The following CENPP variants were observed in gnomAD, a reference collection of about 807,000 sequenced individuals.
CENPP encodes the protein centromere protein P.
CENPP carries 24 observed loss-of-function variants against 35.6 expected under a neutral mutation model. The observed-to-expected ratio is 0.67, with a 90% confidence interval of 0.49 to 0.95. The LOEUF is 0.95. Ranked by LOEUF, CENPP falls within the 40% of genes least tolerant of loss-of-function variation. CENPP has a pLI of 0.00. For synonymous variants in CENPP, 120 were observed against 125.5 expected (o/e 0.96, Z 0.29); for missense variants, 332 against 345.3 (o/e 0.96, Z 0.31).
At chr9:92,460,126 GCA>G (rs1845047472) in intron 5 of CENPP, among the ~76,000 whole-genome samples, 1 of 149,896 alleles carries the variant, frequency 6.7e-6, no homozygotes, top group East Asian at 2.0e-4. Context: ...GAGTGCAGTG[GCA>G]CAGTCTTGGC....
intron 5 of CENPP, among the ~76,000 whole-genome samples, chr9:92,480,361 G>A (rs532849935): frequency 1.4e-3 from 218 of 152,300 alleles, no homozygotes; most frequent in African/African-American, 4.8e-3. Context: ...GGCAGTGAGC[G>A]TCCAGAACTG....
chr9:92,517,505 T>C (rs1847801157), intron 5 of CENPP: 1 of 777,870 alleles, frequency 1.3e-6, no homozygotes, highest in Non-Finnish European at 2.0e-6. Context: ...CACAGTCTAT[T>C]ATTTATATCC....
At chr9:92,568,911 T>C (rs537677662) in intron 5 of CENPP, among the ~76,000 whole-genome samples, 12 of 152,306 alleles carry the variant, frequency 7.9e-5, no homozygotes, top group African/African-American at 2.9e-4. Context: ...TCATGTCCTT[T>C]GCCCACTTTT....
At chr9:92,423,867 T>A (rs1488680661) in intron 5 of CENPP, among the ~76,000 whole-genome samples, 2 of 152,160 alleles carry the variant, frequency 1.3e-5, no homozygotes, top group African/African-American at 4.8e-5. Flanking sequence ...TCTTTGTTAC[T>A]TATAATTCAT....
intron 5 of CENPP, among the ~76,000 whole-genome samples, chr9:92,392,846 T>C (rs1442975960): frequency 2.6e-5 from 4 of 152,164 alleles, no homozygotes; most frequent in African/African-American, 9.7e-5. Flanking sequence ...GTTGCCCATA[T>C]GTTAGATGGG....
At chr9:92,364,670 A>G (rs1273602184) in intron 4 of CENPP, among the ~76,000 whole-genome samples, 1 of 152,230 alleles carries the variant, frequency 6.6e-6, no homozygotes, top group East Asian at 1.9e-4. Context: ...ATAAATACAT[A>G]TATGTTAAAA....
intron 5 of CENPP, among the ~76,000 whole-genome samples, chr9:92,564,132 A>G (rs1341652147): frequency 6.6e-6 from 1 of 152,142 alleles, no homozygotes; most frequent in Non-Finnish European, 1.5e-5. Context: ...CACTCCTGTA[A>G]TCCCAGCACT....
chr9:92,344,994 G>A (rs965070482), intron 3 of CENPP, among the ~76,000 whole-genome samples: 5 of 151,584 alleles, frequency 3.3e-5, no homozygotes, highest in Non-Finnish European at 7.4e-5. Flanking sequence ...GCTCACGCCT[G>A]TAATCCCAGC....
At position 92,552,089 on chromosome 9, in the gene CENPP, GA is replaced by G. The variant is rs1564000235; in HGVS notation, c.565-59224del. 3.4e-4 allele frequency among the ~76,000 whole-genome samples: 46 copies of G among 136,512 alleles called. 2 individuals carry two copies. Among genetic ancestry groups the G allele is most frequent in the Admixed American group, 6.5e-4 (9 of 13,798 alleles). 89.6% of individuals were successfully genotyped at this position (136,512 alleles called of 152,430 possible). A position where few individuals can be genotyped will look rare whatever the true frequency, so the allele number is the denominator to read the frequency against. On this transcript the variant is annotated intron_variant, in intron 5 of 7. Coordinates refer to ENST00000375587, the MANE Select transcript of CENPP (RefSeq NM_001012267.3). ...GATATGATAGATCTATCATATATGT[GA>G]TATGATAGATCTATCATATATATGT...
intron 5 of CENPP, among the ~76,000 whole-genome samples, chr9:92,480,145 A>G (rs1483069464): frequency 6.6e-6 from 1 of 152,240 alleles, no homozygotes; most frequent in East Asian, 1.9e-4. Context: ...GGAATACTCA[A>G]TATTTCCCTG....
intron 5 of CENPP, among the ~76,000 whole-genome samples, chr9:92,598,428 G>A (rs1850831968): frequency 1.3e-5 from 2 of 152,250 alleles, no homozygotes; most frequent in African/African-American, 4.8e-5. Flanking sequence ...AGTATCGGGA[G>A]TAGTGGGAAT....
At chr9:92,537,690 G>T (rs971745878) in intron 5 of CENPP, among the ~76,000 whole-genome samples, 5 of 152,040 alleles carry the variant, frequency 3.3e-5, no homozygotes, top group African/African-American at 1.2e-4. Context: ...AGAAAAAGAT[G>T]AGTACAAATG....
chr9:92,457,035 A>G, intron 5 of CENPP: 5 of 1,231,658 alleles, frequency 4.1e-6, no homozygotes, highest in Admixed American at 4.1e-5. Context: ...ATGGTCAAGC[A>G]TGAGATTTAT....
chr9:92,486,348 C>T (rs774864256), intron 5 of CENPP, among the ~76,000 whole-genome samples: 4 of 152,170 alleles, frequency 2.6e-5, no homozygotes, highest in East Asian at 3.8e-4. Context: ...CTAGGCACTT[C>T]GGTTTCTAAT....
At chr9:92,505,934 C>T (rs991260071) in intron 5 of CENPP, among the ~76,000 whole-genome samples, 1 of 151,888 alleles carries the variant, frequency 6.6e-6, no homozygotes, top group African/African-American at 2.4e-5. Flanking sequence ...CATTGAAATG[C>T]TAGGTGCTAA....
At chr9:92,368,860 G>C (rs1191802629) in intron 4 of CENPP, among the ~76,000 whole-genome samples, 2 of 152,090 alleles carry the variant, frequency 1.3e-5, no homozygotes, top group Non-Finnish European at 2.9e-5. Context: ...GCAACATAGT[G>C]AGACCCTGTC....
At chr9:92,326,142 C>A in intron 1 of CENPP, 37 bp downstream of exon 1, 1 of 1,384,164 alleles carries the variant, frequency 7.2e-7, no homozygotes, top group Non-Finnish European at 9.8e-7. Flanking sequence ...GGCCCGCTGG[C>A]CAGGGTTCCC....
At chr9:92,574,937 T>C in intron 5 of CENPP, among the ~76,000 whole-genome samples, 1 of 152,214 alleles carries the variant, frequency 6.6e-6, no homozygotes, top group East Asian at 1.9e-4. Context: ...GAATTTTGAC[T>C]AATGTGCCAA....
chr9:92,522,277 G>A (rs1848118928), intron 5 of CENPP, among the ~76,000 whole-genome samples: 1 of 151,886 alleles, frequency 6.6e-6, no homozygotes, highest in Non-Finnish European at 1.5e-5. Flanking sequence ...TAGTAGAGAC[G>A]GGGTTTCAAC....
Sources: gnomAD v4.1 joint callset for allele counts (sites outside exome capture counted in the v4.1 genomes callset) on GRCh38, gnomAD v4.1.1 for gene constraint, MANE v1.5 for transcripts, NCBI Gene and HGNC (gene_info 2026-07-23, HGNC 2026-07-21) for gene names.